Variants in OPCML observed in about 807,000 individuals in gnomAD.
OPCML encodes opioid-binding protein/cell adhesion molecule.
In OPCML, 13 loss-of-function variants were observed where a neutral mutation model predicts 37.8. That is an observed-to-expected ratio of 0.34 (90% CI 0.22 to 0.55). The LOEUF is 0.55. OPCML is among the 20% of genes least tolerant of loss of function. OPCML has a pLI of 0.91. For missense variants in OPCML, 341 were observed against 435.6 expected, an observed-to-expected ratio of 0.78 and a Z score of 1.93; for synonymous variants, 176 against 168.8, an observed-to-expected ratio of 1.04 and a Z score of -0.33.
Position 132,650,595 on chromosome 11 carries a change from C to T in OPCML, c.379+6492G>A, listed in dbSNP as rs566630573. 1.7e-3 allele frequency among the ~76,000 whole-genome samples: 256 copies of T among 152,162 alleles called. 1 individual carries two copies. Among genetic ancestry groups the T allele is most frequent in the African/African-American group, 5.9e-3 (244 of 41,514 alleles). ...TGACATACACACACACACACACATA[C>T]ACACACAAAAAAAACACACACAGCC... On this transcript the variant is annotated intron_variant, in intron 3 of 7. Coordinates refer to ENST00000524381, the MANE Select transcript of OPCML (RefSeq NM_001012393.5).
intron 1 of OPCML, among the ~76,000 whole-genome samples, chr11:133,129,105 A>G (rs1177780508): frequency 2.0e-5 from 3 of 152,086 alleles, no homozygotes; most frequent in South Asian, 4.1e-4. Flanking sequence ...GAACTGAAAG[A>G]CTCTCTGAGT....
chr11:133,507,803 C>T (rs933889749), intron 1 of OPCML, among the ~76,000 whole-genome samples: 1 of 152,010 alleles, frequency 6.6e-6, no homozygotes, highest in Non-Finnish European at 1.5e-5. Context: ...AAAAGTTAGC[C>T]AGGCGTGGTG....
At chr11:132,918,932 T>C (rs1158898722) in intron 2 of OPCML, among the ~76,000 whole-genome samples, 1 of 152,214 alleles carries the variant, frequency 6.6e-6, no homozygotes, top group Non-Finnish European at 1.5e-5. Flanking sequence ...CAATTAATTA[T>C]GCTTGGAAAA....
rs550459736 is a variant in OPCML at position 132,990,283 on chromosome 11, C to CA, written c.62-47274dup. Among the ~76,000 whole-genome samples the CA allele has an allele frequency of 2.5e-3, 378 of 152,360 alleles. 2 individuals carry two copies. The highest frequency in any genetic ancestry group is 8.5e-3 in the African/African-American group (352 of 41,584). ...GTTGATAAGTTAGCTGTGCGTAACT[C>CA]AGAGAGTGCCTGCACTTACCATCGA... is the stretch of plus-strand genomic sequence containing the variant. On this transcript the variant is annotated intron_variant, in intron 1 of 7. Transcript: ENST00000524381.
intron 1 of OPCML, among the ~76,000 whole-genome samples, chr11:133,089,836 C>T (rs1410522340): frequency 6.6e-6 from 1 of 152,026 alleles, no homozygotes. Flanking sequence ...AGGAATTACA[C>T]TCAAAATCTG....
intron 1 of OPCML, among the ~76,000 whole-genome samples, chr11:133,035,511 A>C (rs114477461): frequency 1.3e-5 from 2 of 152,228 alleles, no homozygotes; most frequent in Non-Finnish European, 2.9e-5. Context: ...GATCTAGACT[A>C]AAGTATTTGG....
chr11:132,726,673 G>T (rs1944897213), intron 2 of OPCML, among the ~76,000 whole-genome samples: 1 of 152,086 alleles, frequency 6.6e-6, no homozygotes, highest in African/African-American at 2.4e-5. Context: ...GTGTGGGCTG[G>T]CAGGATGGTG....
At chr11:133,414,660 C>T (rs1304940723) in intron 1 of OPCML, among the ~76,000 whole-genome samples, 2 of 152,160 alleles carry the variant, frequency 1.3e-5, no homozygotes, top group Non-Finnish European at 2.9e-5. Flanking sequence ...GAAGCCAGTT[C>T]TCAGGCTTTG....
At chr11:132,976,606 G>T (rs1396076020) in intron 1 of OPCML, among the ~76,000 whole-genome samples, 2 of 152,156 alleles carry the variant, frequency 1.3e-5, no homozygotes, top group African/African-American at 4.8e-5. Flanking sequence ...ATAGCTAATA[G>T]AGTTTCTGAT....
At chr11:132,605,764 C>A (rs538317871) in intron 3 of OPCML, among the ~76,000 whole-genome samples, 2 of 152,276 alleles carry the variant, frequency 1.3e-5, no homozygotes, top group East Asian at 3.9e-4. Flanking sequence ...GAGACCACAA[C>A]CTCCTTGAGA....
chr11:132,919,004 C>A (rs6590666), intron 2 of OPCML, among the ~76,000 whole-genome samples: 33,802 of 151,940 alleles, frequency 0.22, 6,389 homozygotes, highest in African/African-American at 0.51. Context: ...ATAGACAGAA[C>A]TAGGAAACAT....
chr11:132,587,933 C>A (rs925083868), intron 3 of OPCML, among the ~76,000 whole-genome samples: 3 of 152,126 alleles, frequency 2.0e-5, no homozygotes, highest in Non-Finnish European at 2.9e-5. Context: ...GAGAAACCTG[C>A]TCTTCCTGTT....
chr11:133,430,605 G>A (rs1408785334), intron 1 of OPCML, among the ~76,000 whole-genome samples: 1 of 152,060 alleles, frequency 6.6e-6, no homozygotes, highest in African/African-American at 2.4e-5. Flanking sequence ...TAAAATAAAA[G>A]TCATACATAT....
chr11:133,030,322 G>A (rs1164278411), intron 1 of OPCML, among the ~76,000 whole-genome samples: 4 of 152,148 alleles, frequency 2.6e-5, no homozygotes, highest in East Asian at 1.9e-4. Flanking sequence ...TATGCCTCAC[G>A]TCTCCTGCCA....
At chr11:133,532,075 C>G in intron 1 of OPCML, 189 bp downstream of exon 1, 1 of 533,038 alleles carries the variant, frequency 1.9e-6, no homozygotes. Context: ...CTGAAAGCAT[C>G]TGCGCGCGTG....
intron 2 of OPCML, among the ~76,000 whole-genome samples, chr11:132,862,481 C>CG (rs1942345057): frequency 3.1e-5 from 4 of 129,626 alleles, no homozygotes; most frequent in South Asian, 2.4e-4. Flanking sequence ...GTCATCTATA[C>CG]GAAAAAAAAA....
intron 1 of OPCML, among the ~76,000 whole-genome samples, chr11:133,207,104 G>A (rs1440770317): frequency 1.4e-5 from 2 of 146,266 alleles, no homozygotes; most frequent in African/African-American, 5.1e-5. Flanking sequence ...TGGCTAACAC[G>A]GTGAAACCCT....
At chr11:132,897,544 T>C (rs1943896740) in intron 2 of OPCML, among the ~76,000 whole-genome samples, 1 of 152,172 alleles carries the variant, frequency 6.6e-6, no homozygotes, top group South Asian at 2.1e-4. Context: ...TATGGCCTTA[T>C]GGGGAGTCCT....
intron 3 of OPCML, among the ~76,000 whole-genome samples, chr11:132,570,777 A>ATATATATATATATATATATATT (rs2096435706): frequency 6.1e-5 from 7 of 114,862 alleles, no homozygotes; most frequent in African/African-American, 2.4e-4. Flanking sequence ...ATATATATAT[A>ATATATATATATATATATATATT]TATATATATA....
Sources: allele counts gnomAD v4.1 joint callset (sites outside exome capture counted in the v4.1 genomes callset), GRCh38; gene constraint gnomAD v4.1.1; transcripts MANE v1.5; gene names NCBI Gene and HGNC (gene_info 2026-07-23, HGNC 2026-07-21).